The following NLGN1 variants were observed in gnomAD, a reference collection of about 807,000 sequenced individuals.
NLGN1 encodes the protein neuroligin 1, also known as neuroligin-1.
In NLGN1, 12 loss-of-function variants were observed where a neutral mutation model predicts 65.5. That is an observed-to-expected ratio of 0.18 (90% CI 0.12 to 0.30). The LOEUF is 0.30. Ranked by LOEUF, NLGN1 falls within the 10% of genes least tolerant of loss-of-function variation. NLGN1 has a pLI of 1.00. For synonymous variants in NLGN1, 350 were observed against 359.5 expected (o/e 0.97, Z 0.30); for missense variants, 750 against 1,007.1 (o/e 0.74, Z 3.46).
chr3:173,936,828 GTATATTT>G (rs1193271321), intron 4 of NLGN1, among the ~76,000 whole-genome samples: 1 of 152,028 alleles, frequency 6.6e-6, no homozygotes, highest in East Asian at 1.9e-4. Flanking sequence ...TAGGCAGTAA[GTATATTT>G]AAAAATTAGA....
intron 2 of NLGN1, among the ~76,000 whole-genome samples, chr3:173,548,395 T>C (rs779272736): frequency 3.3e-5 from 5 of 152,072 alleles, no homozygotes; most frequent in Non-Finnish European, 7.4e-5. Flanking sequence ...TATGCCTTAC[T>C]ATAATGAAAA....
intron 4 of NLGN1, among the ~76,000 whole-genome samples, chr3:174,005,589 G>A (rs770888023): frequency 3.9e-5 from 6 of 152,080 alleles, no homozygotes; most frequent in Admixed American, 6.6e-5. Flanking sequence ...GCCCTCTGCT[G>A]CATCTGTGCT....
chr3:174,199,947 TTGTC>T (rs1423787706), intron 4 of NLGN1, among the ~76,000 whole-genome samples: 4 of 152,206 alleles, frequency 2.6e-5, no homozygotes, highest in African/African-American at 7.2e-5. Flanking sequence ...ATAGCCAAGT[TTGTC>T]TGTCATTTTT....
At chr3:173,399,970 A>G (rs1577276856) in intron 1 of NLGN1, 1 of 152,168 alleles carries the variant, frequency 6.6e-6, no homozygotes, top group African/African-American at 2.4e-5. Context: ...GTTTATCTTG[A>G]TAATTCTTTA....
chr3:173,879,281 T>C (rs1732779587), intron 4 of NLGN1, among the ~76,000 whole-genome samples: 1 of 151,954 alleles, frequency 6.6e-6, no homozygotes, highest in Non-Finnish European at 1.5e-5. Flanking sequence ...TGAGTTCAGG[T>C]AAACTGATTC....
intron 4 of NLGN1, among the ~76,000 whole-genome samples, chr3:174,124,522 T>C (rs2152654500): frequency 6.8e-6 from 1 of 148,144 alleles, no homozygotes; most frequent in African/African-American, 2.4e-5. Flanking sequence ...TATATATACA[T>C]ATGTACTTAC....
At chr3:173,966,597 C>T (rs1714920725) in intron 4 of NLGN1, among the ~76,000 whole-genome samples, 1 of 152,186 alleles carries the variant, frequency 6.6e-6, no homozygotes, top group East Asian at 1.9e-4. Context: ...ACATTTCTTA[C>T]ACTGACTCCA....
chr3:173,596,369 G>A (rs1439084415), intron 2 of NLGN1, among the ~76,000 whole-genome samples: 2 of 152,188 alleles, frequency 1.3e-5, no homozygotes, highest in Non-Finnish European at 2.9e-5. Context: ...TAAGAAGGAG[G>A]CAGCGTTTGT....
rs66827074 is a variant in NLGN1 at position 173,584,399 on chromosome 3, A to ATTTTTTTTTTTTTT, written c.-320-19860_-320-19847dup. Among the ~76,000 whole-genome samples, 4 of 30,818 alleles carry ATTTTTTTTTTTTTT rather than the reference A, an allele frequency of 1.3e-4. 1 individual carries two copies. The highest frequency in any genetic ancestry group is 6.8e-4 in the Admixed American group (1 of 1,476). The allele number at this position is 30,818 out of a possible 152,430, so 20.2% of individuals were successfully genotyped here. A position where few individuals can be genotyped will look rare whatever the true frequency, so the allele number is the denominator to read the frequency against. On this transcript the variant is annotated intron_variant, in intron 2 of 6. Transcript: ENST00000457714. ...TTAGGGTAAAACCAGGGTCCTCGGC[A>ATTTTTTTTTTTTTT]TTTTTTTTTTTTTTTTTTTTTTTTT...
intron 4 of NLGN1, among the ~76,000 whole-genome samples, chr3:174,272,680 TA>T (rs1180016652): frequency 1.4e-5 from 2 of 148,120 alleles, no homozygotes; most frequent in African/African-American, 5.0e-5. Flanking sequence ...GATAGATAGA[TA>T]GATAGATAGA....
intron 3 of NLGN1, among the ~76,000 whole-genome samples, chr3:173,787,532 T>C (rs1349088693): frequency 6.6e-6 from 1 of 152,208 alleles, no homozygotes; most frequent in Non-Finnish European, 1.5e-5. Context: ...TAAATGTTAT[T>C]ATTCTGGACT....
intron 4 of NLGN1, among the ~76,000 whole-genome samples, chr3:174,271,490 A>G (rs1561442025): frequency 6.6e-6 from 1 of 151,928 alleles, no homozygotes; most frequent in East Asian, 1.9e-4. Context: ...ACAGTAGCCC[A>G]AGCCCATACC....
intron 4 of NLGN1, among the ~76,000 whole-genome samples, chr3:174,108,584 T>C (rs1714503026): frequency 6.6e-6 from 1 of 152,070 alleles, no homozygotes; most frequent in Non-Finnish European, 1.5e-5. Flanking sequence ...AGAACTGAGC[T>C]CAATTCTGGA....
intron 2 of NLGN1, among the ~76,000 whole-genome samples, chr3:173,578,491 C>T (rs1027390508): frequency 6.6e-6 from 1 of 152,130 alleles, no homozygotes; most frequent in Non-Finnish European, 1.5e-5. Context: ...CTAAAAATTT[C>T]TCTTTCCATC....
chr3:173,837,920 A>G (rs1263048844), intron 4 of NLGN1, among the ~76,000 whole-genome samples: 1 of 152,166 alleles, frequency 6.6e-6, no homozygotes, highest in Non-Finnish European at 1.5e-5. Flanking sequence ...ACTGATTTGA[A>G]ATTTTTTTGT....
At chr3:174,041,409 C>A (rs1489446451) in intron 4 of NLGN1, among the ~76,000 whole-genome samples, 1 of 152,060 alleles carries the variant, frequency 6.6e-6, no homozygotes, top group African/African-American at 2.4e-5. Context: ...AGGCTGAAAG[C>A]AGTTTGAGAC....
intron 4 of NLGN1, among the ~76,000 whole-genome samples, chr3:174,130,924 A>G (rs372760895): frequency 2.3e-4 from 35 of 152,338 alleles, no homozygotes; most frequent in East Asian, 1.9e-3. Context: ...GTTCCTGCCA[A>G]ATACTCACAG....
chr3:173,872,088 C>T (rs1731282974), intron 4 of NLGN1, among the ~76,000 whole-genome samples: 1 of 151,934 alleles, frequency 6.6e-6, no homozygotes, highest in South Asian at 2.1e-4. Flanking sequence ...GAGGGATGCA[C>T]TGGAAAGCAC....
rs79598604 is a variant in NLGN1 at position 173,920,326 on chromosome 3, C to T, written c.646+112494C>T. On this transcript the variant is annotated intron_variant, in intron 4 of 6. Coordinates refer to ENST00000457714, the Ensembl canonical transcript of NLGN1. ...GTTAGAAAGAAAGCACAAATGTAAA[C>T]GTTATATTGCCATTGACTGTGCTCA... is the stretch of plus-strand genomic sequence containing the variant. Among the ~76,000 whole-genome samples, 221 of 152,122 alleles carry T rather than the reference C, an allele frequency of 1.5e-3. 2 individuals carry two copies. The East Asian group carries it at 0.024, about 17-fold the overall frequency.
Sources: gnomAD v4.1 joint callset for allele counts (sites outside exome capture counted in the v4.1 genomes callset) on GRCh38, gnomAD v4.1.1 for gene constraint, MANE v1.5 for transcripts, NCBI Gene and HGNC (gene_info 2026-07-23, HGNC 2026-07-21) for gene names.